Variants in CDYL observed in about 807,000 individuals in gnomAD.
CDYL encodes the protein chromodomain Y-like protein.
Under a neutral mutation model 47.3 loss-of-function variants are expected in CDYL, and 8 were observed. That is an observed-to-expected ratio of 0.17 (90% CI 0.10 to 0.31). The LOEUF is 0.31. Ranked by LOEUF, CDYL falls within the 10% of genes least tolerant of loss-of-function variation. CDYL has a pLI of 1.00. For missense variants in CDYL, 471 were observed against 701.4 expected (o/e 0.67, Z 3.71); for synonymous variants, 266 against 265.0 (o/e 1.00, Z -0.04).
At chr6:4,784,596 G>A (rs1758703123) in intron 1 of CDYL, among the ~76,000 whole-genome samples, 2 of 152,214 alleles carry the variant, frequency 1.3e-5, no homozygotes, top group Admixed American at 1.3e-4. Flanking sequence ...AATGTTCAAT[G>A]TCTTTGTTCG....
intron 2 of CDYL, among the ~76,000 whole-genome samples, chr6:4,730,380 G>A (rs1757582201): frequency 6.6e-6 from 1 of 152,042 alleles, no homozygotes; most frequent in Non-Finnish European, 1.5e-5. Flanking sequence ...GAAGAGTCAA[G>A]GAAATGTGAA....
chr6:4,776,659 GC>G lies in CDYL; in HGVS notation c.-122del. Reference sequence around the variant, plus strand: ...TGCAAGAGGCTCGTCCGTGCCCAGCGCCCGGCCGGCCGCGGGAGCAGGAAGC... The same window carrying G: ...TGCAAGAGGCTCGTCCGTGCCCAGCGCCGGCCGGCCGCGGGAGCAGGAAGC... On this transcript the variant is annotated 5_prime_UTR_variant, in exon 1 of 7. Coordinates refer to ENST00000397588, the MANE Select transcript of CDYL (RefSeq NM_004824.4). The G allele has an allele frequency of 1.2e-6, 1 of 838,420 alleles. No homozygotes were observed. Among genetic ancestry groups the G allele is most frequent in the Non-Finnish European group, 1.6e-6 (1 of 627,610 alleles). 51.9% of individuals were successfully genotyped at this position (838,420 alleles called of 1,614,324 possible).
rs577282862 is a variant in CDYL, at chr6:4,851,181, GCT to G, written c.25-40529_25-40528del. On this transcript the variant is annotated intron_variant, in intron 1 of 6. Coordinates refer to ENST00000397588, the MANE Select transcript of CDYL (RefSeq NM_004824.4). ...AGTAATCTGGGTCTTCCAACTTTGAGCTCTGTGCTAGTTCTGTAACCTGGGCC... is the reference window on the plus strand; with the variant it reads ...AGTAATCTGGGTCTTCCAACTTTGAGCTGTGCTAGTTCTGTAACCTGGGCC... Among the ~76,000 whole-genome samples the G allele has an allele frequency of 4.5e-4, 68 of 152,292 alleles. No individual in the cohort carries two copies. In the South Asian group the frequency reaches 0.014, roughly 31 times the overall value.
chr6:4,753,543 A>G (rs138876109), intron 3 of CDYL, among the ~76,000 whole-genome samples: 5 of 152,312 alleles, frequency 3.3e-5, no homozygotes, highest in African/African-American at 9.6e-5. Context: ...AAATTTACCT[A>G]TGGATCAAAC....
intron 1 of CDYL, among the ~76,000 whole-genome samples, chr6:4,846,765 TATTTA>T (rs1239943169): frequency 2.0e-5 from 3 of 152,206 alleles, no homozygotes; most frequent in Non-Finnish European, 4.4e-5. Flanking sequence ...TGAATCATAA[TATTTA>T]ATTAAAAATG....
chr6:4,950,279 G>A (rs1174481838), intron 5 of CDYL, among the ~76,000 whole-genome samples: 1 of 152,190 alleles, frequency 6.6e-6, no homozygotes, highest in Non-Finnish European at 1.5e-5. Flanking sequence ...TTGAACCGCA[G>A]ACACCAGGCC....
intron 2 of CDYL, among the ~76,000 whole-genome samples, chr6:4,894,581 A>G (rs140569078): frequency 1.3e-5 from 2 of 152,298 alleles, no homozygotes; most frequent in East Asian, 1.9e-4. Flanking sequence ...GAATGGAGCT[A>G]TCCATTCATT....
At chr6:4,732,103 G>T (rs1409650244) in intron 2 of CDYL, among the ~76,000 whole-genome samples, 2 of 152,172 alleles carry the variant, frequency 1.3e-5, no homozygotes, top group Admixed American at 6.5e-5. Context: ...GGGAGGCTGA[G>T]ACAGGAGGAT....
At chr6:4,723,299 T>A (rs1757408375) in intron 2 of CDYL, among the ~76,000 whole-genome samples, 1 of 152,122 alleles carries the variant, frequency 6.6e-6, no homozygotes, top group Admixed American at 6.5e-5. Flanking sequence ...GACTTGAGCA[T>A]CTGTGGATTT....
chr6:4,863,566 T>A (rs2127469595), intron 1 of CDYL, among the ~76,000 whole-genome samples: 1 of 152,364 alleles, frequency 6.6e-6, no homozygotes, highest in South Asian at 2.1e-4. Flanking sequence ...CTCTAAGAGA[T>A]CCTTGCTTTG....
intron 1 of CDYL, among the ~76,000 whole-genome samples, chr6:4,870,308 G>A (rs1056852167): frequency 6.6e-6 from 1 of 152,134 alleles, no homozygotes; most frequent in Non-Finnish European, 1.5e-5. Flanking sequence ...TCCCTTTGGT[G>A]CTTTGAGTAT....
intron 2 of CDYL, among the ~76,000 whole-genome samples, chr6:4,893,553 C>T (rs139444050): frequency 0.037 from 5,680 of 152,236 alleles, 388 homozygotes; most frequent in African/African-American, 0.13. Context: ...ATTAGCCAGG[C>T]GCGGTGGCGC....
chr6:4,724,411 C>T (rs1209684578), intron 2 of CDYL: 1 of 152,198 alleles, frequency 6.6e-6, no homozygotes, highest in Admixed American at 6.6e-5. Flanking sequence ...CAGGGCTTAC[C>T]TTGATGGGTT....
At chr6:4,889,896 T>C in intron 1 of CDYL, 1 of 911,314 alleles carries the variant, frequency 1.1e-6, no homozygotes, top group South Asian at 5.1e-5. Context: ...TCTTCCTCTT[T>C]GCTCAATTTC....
chr6:4,742,080 G>T (rs1757806714), intron 3 of CDYL, among the ~76,000 whole-genome samples: 1 of 152,190 alleles, frequency 6.6e-6, no homozygotes. Context: ...GCAGGGAAAG[G>T]CTGGGTGTGG....
chr6:4,904,084 A>G (rs921713541), intron 2 of CDYL, among the ~76,000 whole-genome samples: 1 of 152,232 alleles, frequency 6.6e-6, no homozygotes, highest in African/African-American at 2.4e-5. Flanking sequence ...TGACAGAGCC[A>G]TGCCACGCTG....
At chr6:4,836,505 C>G (rs963773702) in intron 1 of CDYL, among the ~76,000 whole-genome samples, 2 of 152,142 alleles carry the variant, frequency 1.3e-5, no homozygotes, top group African/African-American at 2.4e-5. Flanking sequence ...TGTGTCCATT[C>G]GAGAGCATGG....
chr6:4,834,676 C>T (rs1184289492), intron 1 of CDYL, among the ~76,000 whole-genome samples: 3 of 152,176 alleles, frequency 2.0e-5, no homozygotes, highest in African/African-American at 4.8e-5. Context: ...TGTTTTCCAA[C>T]TTGATTCCAT....
chr6:4,828,252 CTTTTTTTT>C (rs11324291), intron 1 of CDYL, among the ~76,000 whole-genome samples: 1 of 79,134 alleles, frequency 1.3e-5, no homozygotes, highest in African/African-American at 4.4e-5. Context: ...TAACTTTCAG[CTTTTTTTT>C]TTTTTTTTTT....
Sources: gnomAD v4.1 joint callset for allele counts (sites outside exome capture counted in the v4.1 genomes callset) on GRCh38, gnomAD v4.1.1 for gene constraint, MANE v1.5 for transcripts, NCBI Gene and HGNC (gene_info 2026-07-23, HGNC 2026-07-21) for gene names.